The following KIAA0825 variants were observed in gnomAD, a reference collection of about 807,000 sequenced individuals.
KIAA0825 encodes KIAA0825, also known as uncharacterized protein KIAA0825.
A neutral mutation model predicts 147.6 loss-of-function variants in KIAA0825; 119 were observed. The ratio of observed to expected loss-of-function variants is 0.81; its 90% CI spans 0.69 to 0.94. The LOEUF (loss-of-function observed/expected upper bound fraction) is 0.94. Among genes scored for constraint, KIAA0825 ranks in the 40% least tolerant of loss-of-function variants. The pLI, the probability that KIAA0825 is intolerant of heterozygous loss-of-function variation, is 0.00. For synonymous variants in KIAA0825, 470 were observed against 518.1 expected (o/e 0.91, Z 1.26); for missense variants, 1,381 against 1,472.7 (o/e 0.94, Z 1.02).
chr5:94,206,103 G>T (rs965881606), intron 20 of KIAA0825, among the ~76,000 whole-genome samples: 2 of 151,842 alleles, frequency 1.3e-5, no homozygotes, highest in Non-Finnish European at 2.9e-5. Flanking sequence ...AACCTAATTT[G>T]GTTTTTGAGG....
intron 3 of KIAA0825, among the ~76,000 whole-genome samples, chr5:94,527,553 T>G (rs1769573407): frequency 6.6e-6 from 1 of 151,952 alleles, no homozygotes; most frequent in South Asian, 2.1e-4. Context: ...TAGCAGAGCT[T>G]AAAGACTTAT....
chr5:94,280,822 C>T (rs1777423312), intron 20 of KIAA0825, among the ~76,000 whole-genome samples: 1 of 152,038 alleles, frequency 6.6e-6, no homozygotes, highest in South Asian at 2.1e-4. Context: ...CCAGCTGCTC[C>T]ACAGGTTTGG....
chr5:94,324,536 G>T (rs1780498205), intron 20 of KIAA0825, among the ~76,000 whole-genome samples: 1 of 151,958 alleles, frequency 6.6e-6, no homozygotes, highest in Non-Finnish European at 1.5e-5. Flanking sequence ...CAGTTTTAAA[G>T]ATATGATCAA....
intron 20 of KIAA0825, among the ~76,000 whole-genome samples, chr5:94,198,117 G>C (rs1258246539): frequency 6.6e-6 from 1 of 151,958 alleles, no homozygotes; most frequent in Non-Finnish European, 1.5e-5. Flanking sequence ...GTTTTTCCAT[G>C]GGTTTGTGTC....
chr5:94,215,600 C>A (rs1198588449), intron 20 of KIAA0825, among the ~76,000 whole-genome samples: 1 of 152,114 alleles, frequency 6.6e-6, no homozygotes, highest in Non-Finnish European at 1.5e-5. Context: ...TACTGAAAAT[C>A]TCATTTGCCT....
chr5:94,186,369 A>G (rs767008942), intron 20 of KIAA0825, among the ~76,000 whole-genome samples: 2 of 152,222 alleles, frequency 1.3e-5, no homozygotes, highest in African/African-American at 4.8e-5. Context: ...ACAAATGCCA[A>G]TATTTACTGA....
chr5:94,455,689 A>G (rs755731470), intron 12 of KIAA0825, among the ~76,000 whole-genome samples: 3 of 152,174 alleles, frequency 2.0e-5, no homozygotes, highest in Non-Finnish European at 2.9e-5. Context: ...GAGTAATCAA[A>G]GGATGTAGAG....
intron 20 of KIAA0825, among the ~76,000 whole-genome samples, chr5:94,290,535 G>A (rs1777842877): frequency 6.6e-6 from 1 of 152,144 alleles, no homozygotes; most frequent in Non-Finnish European, 1.5e-5. Flanking sequence ...ATCTATCACT[G>A]ATGGGCATTT....
chr5:94,239,778 C>T (rs945907141), intron 20 of KIAA0825, among the ~76,000 whole-genome samples: 3 of 152,116 alleles, frequency 2.0e-5, no homozygotes, highest in African/African-American at 4.8e-5. Flanking sequence ...CTTTAAACTG[C>T]CCTTTTTATT....
intron 1 of KIAA0825, among the ~76,000 whole-genome samples, chr5:94,608,427 A>AT: frequency 1.9e-5 from 1 of 51,382 alleles, no homozygotes; most frequent in Non-Finnish European, 3.6e-5. Context: ...ACACCTGGCT[A>AT]ATTTTGTGTG....
At chr5:94,234,332 C>G (rs1774914900) in intron 20 of KIAA0825, among the ~76,000 whole-genome samples, 1 of 151,210 alleles carries the variant, frequency 6.6e-6, no homozygotes, top group Non-Finnish European at 1.5e-5. Flanking sequence ...GATCGCGCCA[C>G]TGCACTCCAG....
intron 2 of KIAA0825, chr5:94,568,034 G>A (rs113037319): frequency 1.6e-4 from 27 of 163,976 alleles, no homozygotes; most frequent in African/African-American, 3.4e-4. Flanking sequence ...CAAAAAAATC[G>A]TAGCCTTCTC....
At chr5:94,376,158 C>A (rs1462107424) in intron 20 of KIAA0825, among the ~76,000 whole-genome samples, 1 of 152,096 alleles carries the variant, frequency 6.6e-6, no homozygotes, top group Non-Finnish European at 1.5e-5. Flanking sequence ...TTATGCCAGC[C>A]ATATGGTAAG....
intron 14 of KIAA0825, among the ~76,000 whole-genome samples, chr5:94,422,718 T>C (rs962205847): frequency 5.9e-5 from 9 of 152,176 alleles, no homozygotes; most frequent in African/African-American, 2.2e-4. Context: ...CCAGTGTGTC[T>C]TTATGGAGTT....
intron 20 of KIAA0825, among the ~76,000 whole-genome samples, chr5:94,235,720 T>G (rs1775005885): frequency 6.6e-6 from 1 of 152,198 alleles, no homozygotes; most frequent in African/African-American, 2.4e-5. Context: ...ACAGGTTGCT[T>G]CTTTTTTTAA....
chr5:94,238,419 T>C (rs1022553414), intron 20 of KIAA0825, among the ~76,000 whole-genome samples: 10 of 152,206 alleles, frequency 6.6e-5, no homozygotes, highest in African/African-American at 2.4e-5. Context: ...CTTGTGATTC[T>C]TATATAAATC....
intron 2 of KIAA0825, among the ~76,000 whole-genome samples, chr5:94,548,429 T>C (rs1469895576): frequency 6.6e-6 from 1 of 151,642 alleles, no homozygotes; most frequent in Non-Finnish European, 1.5e-5. Context: ...AAAAAATAAA[T>C]GCAAGAAATT....
chr5:94,437,692 C>G (rs537471960), intron 14 of KIAA0825, among the ~76,000 whole-genome samples: 1 of 152,240 alleles, frequency 6.6e-6, no homozygotes, highest in South Asian at 2.1e-4. Context: ...TCAATATAGT[C>G]AAAAGGTTTA....
At chr5:94,571,547 C>T (rs993699607) in intron 2 of KIAA0825, among the ~76,000 whole-genome samples, 6 of 152,208 alleles carry the variant, frequency 3.9e-5, no homozygotes, top group African/African-American at 1.4e-4. Context: ...TAAATGAAGT[C>T]ATGCCTGACA....
Sources: allele counts gnomAD v4.1 joint callset (sites outside exome capture counted in the v4.1 genomes callset), GRCh38; gene constraint gnomAD v4.1.1; transcripts MANE v1.5; gene names NCBI Gene and HGNC (gene_info 2026-07-23, HGNC 2026-07-21).